The following HLCS variants were observed in gnomAD, a reference collection of about 807,000 sequenced individuals.
The protein encoded by HLCS is biotin--protein ligase.
A neutral mutation model predicts 75.0 loss-of-function variants in HLCS; 53 were observed. The observed-to-expected ratio is 0.71, with a 90% CI of 0.57 to 0.89. The LOEUF is 0.89. Ranked by LOEUF, HLCS falls within the 40% of genes least tolerant of loss-of-function variation. HLCS has a pLI of 0.00. For synonymous variants in HLCS, 431 were observed against 428.6 expected, an observed-to-expected ratio of 1.01 and a Z score of -0.07; for missense variants, 966 against 1,074.0, an observed-to-expected ratio of 0.90 and a Z score of 1.41.
chr21:36,920,377 G>A (rs2066111872), intron 5 of HLCS, among the ~76,000 whole-genome samples: 2 of 151,344 alleles, frequency 1.3e-5, no homozygotes. Context: ...TAGTGGGAAG[G>A]TGGGGCAGAG....
chr21:36,890,767 TA>T (rs559392932), intron 6 of HLCS, among the ~76,000 whole-genome samples: 19 of 152,118 alleles, frequency 1.2e-4, no homozygotes, highest in Admixed American at 9.2e-4. Flanking sequence ...TGTAAACACC[TA>T]AAAAAAATTC....
At chr21:36,945,755 G>T (rs57476060) in intron 2 of HLCS, among the ~76,000 whole-genome samples, 1 of 152,200 alleles carries the variant, frequency 6.6e-6, no homozygotes, top group African/African-American at 2.4e-5. Context: ...GCACAACTTT[G>T]TGAATATACT....
At chr21:36,868,857 T>G (rs961696900) in intron 6 of HLCS, among the ~76,000 whole-genome samples, 4 of 152,088 alleles carry the variant, frequency 2.6e-5, no homozygotes, top group African/African-American at 9.7e-5. Context: ...TCCACCCTAG[T>G]CTGGGAGACA....
intron 6 of HLCS, among the ~76,000 whole-genome samples, chr21:36,838,330 C>CACACACACACACA (rs1480562550): frequency 4.6e-4 from 64 of 138,578 alleles, no homozygotes; most frequent in African/African-American, 1.5e-3. Context: ...ACACACACAC[C>CACACACACACACA]CCCACAACCA....
At chr21:36,824,243 T>C (rs1406573666) in intron 6 of HLCS, among the ~76,000 whole-genome samples, 2 of 152,208 alleles carry the variant, frequency 1.3e-5, no homozygotes, top group East Asian at 3.8e-4. Flanking sequence ...ATATACACCA[T>C]GTAATACTAT....
At chr21:36,879,118 C>CT (rs150797379) in intron 6 of HLCS, among the ~76,000 whole-genome samples, 152,274 of 152,278 alleles carry the variant, frequency 1, 76,135 homozygotes, top group Non-Finnish European at 1. Flanking sequence ...CATGATATCT[C>CT]TTGAACAAAA....
chr21:36,946,719 T>C (rs2067415658), intron 2 of HLCS, among the ~76,000 whole-genome samples: 1 of 152,182 alleles, frequency 6.6e-6, no homozygotes, highest in African/African-American at 2.4e-5. Flanking sequence ...TGTAGAATAT[T>C]TGGACAAAGA....
intron 6 of HLCS, among the ~76,000 whole-genome samples, chr21:36,797,601 C>T (rs1010871260): frequency 6.6e-6 from 1 of 152,072 alleles, no homozygotes; most frequent in Non-Finnish European, 1.5e-5. Context: ...TTAAACATAT[C>T]AGATTAATGA....
At chr21:36,904,644 G>A (rs75589132) in intron 5 of HLCS, among the ~76,000 whole-genome samples, 5,797 of 152,002 alleles carry the variant, frequency 0.038, 173 homozygotes, top group Non-Finnish European at 0.056. Flanking sequence ...CTTTCTCCCC[G>A]CTCCACCATT....
At chr21:36,933,377 G>A (rs768532275) in intron 4 of HLCS, among the ~76,000 whole-genome samples, 3 of 151,680 alleles carry the variant, frequency 2.0e-5, no homozygotes, top group South Asian at 2.1e-4. Flanking sequence ...TGGTGAAACC[G>A]TCTCTACTAA....
chr21:36,976,227 A>G (rs1381903998), intron 1 of HLCS, among the ~76,000 whole-genome samples: 1 of 152,162 alleles, frequency 6.6e-6, no homozygotes, highest in Non-Finnish European at 1.5e-5. Context: ...ATTGTCCCCA[A>G]CTTGGACACA....
chr21:36,906,445 G>T (rs545217810), intron 5 of HLCS, among the ~76,000 whole-genome samples: 2 of 152,218 alleles, frequency 1.3e-5, no homozygotes, highest in African/African-American at 4.8e-5. Context: ...GAGGTGAGAG[G>T]ATCACTTGAG....
chr21:36,798,520 C>G (rs768608930), intron 6 of HLCS, among the ~76,000 whole-genome samples: 1 of 152,184 alleles, frequency 6.6e-6, no homozygotes, highest in Non-Finnish European at 1.5e-5. Flanking sequence ...AGGCATCCAT[C>G]TATCAACTGA....
At chr21:36,887,412 A>G (rs956415480) in intron 6 of HLCS, among the ~76,000 whole-genome samples, 4 of 152,224 alleles carry the variant, frequency 2.6e-5, no homozygotes, top group African/African-American at 7.2e-5. Context: ...TAACTCTACC[A>G]TACTTGAAAA....
intron 6 of HLCS, among the ~76,000 whole-genome samples, chr21:36,894,238 G>T (rs1368019963): frequency 6.6e-6 from 1 of 152,136 alleles, no homozygotes; most frequent in Non-Finnish European, 1.5e-5. Flanking sequence ...CATGCTTCCT[G>T]TACAGCCTGC....
intron 2 of HLCS, among the ~76,000 whole-genome samples, chr21:36,953,380 G>C (rs1038229205): frequency 6.6e-6 from 1 of 152,184 alleles, no homozygotes; most frequent in African/African-American, 2.4e-5. Context: ...TAGCAAGAGA[G>C]AACCACTACC....
At chr21:36,896,236 G>C (rs527664812) in intron 6 of HLCS, among the ~76,000 whole-genome samples, 1 of 152,330 alleles carries the variant, frequency 6.6e-6, no homozygotes, top group Non-Finnish European at 1.5e-5. Context: ...TATAGTCCCA[G>C]CTACTTGGGA....
intron 6 of HLCS, among the ~76,000 whole-genome samples, chr21:36,862,403 A>G (rs933452765): frequency 6.6e-6 from 1 of 152,136 alleles, no homozygotes; most frequent in Non-Finnish European, 1.5e-5. Flanking sequence ...TTACATTCCC[A>G]TCAACAGTGT....
At chr21:36,885,540 G>A (rs2064414536) in intron 6 of HLCS, among the ~76,000 whole-genome samples, 3 of 151,398 alleles carry the variant, frequency 2.0e-5, no homozygotes, top group Admixed American at 2.0e-4. Context: ...ACATATCACA[G>A]TCCTGAACAC....
Sources: gnomAD v4.1 joint callset for allele counts (sites outside exome capture counted in the v4.1 genomes callset) on GRCh38, gnomAD v4.1.1 for gene constraint, MANE v1.5 for transcripts, NCBI Gene and HGNC (gene_info 2026-07-23, HGNC 2026-07-21) for gene names.